DCLRE1B: variants seen among roughly 807,000 people sequenced by gnomAD.
The protein encoded by DCLRE1B is 5' exonuclease Apollo.
A neutral mutation model predicts 19.8 loss-of-function variants in DCLRE1B; 6 were observed. The ratio of observed to expected loss-of-function variants is 0.30; its 90% CI spans 0.17 to 0.60. The LOEUF is 0.60. Among genes scored for constraint, DCLRE1B ranks in the 20% least tolerant of loss-of-function variants. DCLRE1B has a pLI of 0.87. For synonymous variants in DCLRE1B, 258 were observed against 255.7 expected (o/e 1.01, Z -0.09); for missense variants, 622 against 654.2 (o/e 0.95, Z 0.54).
chr1:113,906,389 T>TGTGCTGG (rs1668967180), intron 1 of DCLRE1B, among the ~76,000 whole-genome samples: 1 of 150,998 alleles, frequency 6.6e-6, no homozygotes, highest in Non-Finnish European at 1.5e-5. Flanking sequence ...ATCCACCTAA[T>TGTGCTGG]GTGCTGGGTG....
rs1389550361 is a variant in DCLRE1B at position 113,912,309 on chromosome 1, C to G, written c.*118C>G. The G allele has an allele frequency of 9.6e-7, 1 of 1,040,288 alleles. No homozygotes were observed. The highest frequency in any genetic ancestry group is 1.6e-5 in the African/African-American group (1 of 62,676). The allele number at this position is 1,040,288 out of a possible 1,614,324, so 64.4% of individuals were successfully genotyped here. ...CCTACTTTTCTATCTTTACAAGACT[C>G]TTATGGGCCCACCGTGGAGCAGCAC... On this transcript the variant is annotated 3_prime_UTR_variant, in exon 4 of 4. Coordinates refer to ENST00000650450, the MANE Select transcript of DCLRE1B (RefSeq NM_022836.4).
At chr1:113,907,863 G>A in intron 2 of DCLRE1B, 146 bp from the exon 3 acceptor site, 1 of 805,802 alleles carries the variant, frequency 1.2e-6, no homozygotes, top group African/African-American at 1.7e-5. Flanking sequence ...AAACCATGCA[G>A]CTATACTGCC....
chr1:113,907,078 C>G lies in DCLRE1B; in HGVS notation c.272C>G (p.Thr91Ser). The stretch of plus-strand genomic sequence containing the variant: ...GATGAAATTGGACAAGAGACCATGA[C>G]CGTAACCCTCCTCGATGCCAATCAC... ...PLDEIGQETM[T>S]VTLLDANHCP... The change falls in exon 2 of 4, where the codon ACC becomes AGC. Residue 91 changes from threonine to serine, a missense_variant. Around this residue, in one of 3 missense-constraint regions of DCLRE1B, gnomAD observed 237 missense variants for 223.8 expected, o/e 1.06. Transcript: ENST00000650450. 2.5e-6 allele frequency: 4 copies of G among 1,614,060 alleles called. No homozygotes were observed. Among genetic ancestry groups the G allele is most frequent in the Non-Finnish European group, 3.4e-6 (4 of 1,180,014 alleles).
upstream of DCLRE1B, chr1:113,905,244 CAGCTGCGCGGCTCCCTCTGGTGG>C: frequency 1.1e-5 from 4 of 357,582 alleles, no homozygotes; most frequent in Non-Finnish European, 5.2e-6. Context: ...TCTCCAGGCG[CAGCTGCGCGGCTCCCTCTGGTGG>C]AGCTGCGGCG....
Position 113,913,620 on chromosome 1 carries a change from T to C in DCLRE1B, c.*1429T>C, listed in dbSNP as rs1321235027. 6.5e-6 allele frequency: 1 copy of C among 152,684 alleles called. No homozygotes were observed. Among genetic ancestry groups the C allele is most frequent in the Non-Finnish European group, 1.5e-5 (1 of 68,042 alleles). 9.5% of individuals were successfully genotyped at this position (152,684 alleles called of 1,614,324 possible). ...GTAAGATGGACTTGAGATTCCTACCTCTCATGATTACTATGGAGATTGAAT... is the reference window on the plus strand; with the variant it reads ...GTAAGATGGACTTGAGATTCCTACCCCTCATGATTACTATGGAGATTGAAT... On this transcript the variant is annotated 3_prime_UTR_variant, in exon 4 of 4. Transcript: ENST00000650450.
chr1:113,912,221 A>G lies in DCLRE1B; in HGVS notation c.*30A>G. The G allele has an allele frequency of 6.4e-7, 1 of 1,560,418 alleles. No individual in the cohort carries two copies. The highest frequency in any genetic ancestry group is 8.7e-7 in the Non-Finnish European group (1 of 1,155,744). On this transcript the variant is annotated 3_prime_UTR_variant, in exon 4 of 4. Transcript: ENST00000650450. Reference sequence around the variant, plus strand: ...AGGAGAGTACAGAATGACAACATTGAGCCCACACTGCAGTTTTGAAGATAG... The same window carrying G: ...AGGAGAGTACAGAATGACAACATTGGGCCCACACTGCAGTTTTGAAGATAG...
At position 113,905,680 on chromosome 1, in the gene DCLRE1B, A is replaced by G; in HGVS notation, c.94A>G (p.Met32Val). The G allele has an allele frequency of 1.2e-6, 2 of 1,614,016 alleles. No homozygotes were observed. Among genetic ancestry groups the G allele is most frequent in the South Asian group, 1.1e-5 (1 of 91,082 alleles). Residue 32 changes from methionine to valine, a missense_variant, in exon 1 of 4, where the codon ATG becomes GTG. This residue lies in a region of DCLRE1B where 237 missense variants were observed against 223.8 expected (regional missense o/e 1.06). Coordinates refer to ENST00000650450, the MANE Select transcript of DCLRE1B (RefSeq NM_022836.4). Reference sequence around the variant, plus strand: ...CGCACGTCTCTTCTTCTTGTCTCACATGCACTCGGACCACACCGTGGGCCT... The same window carrying G: ...CGCACGTCTCTTCTTCTTGTCTCACGTGCACTCGGACCACACCGTGGGCCT... Reference protein sequence around the residue: ...GTARLFFLSHMHSDHTVGLSS... With the variant: ...GTARLFFLSHVHSDHTVGLSS...
upstream of DCLRE1B, chr1:113,905,066 T>C (rs2101060517): frequency 5.2e-6 from 2 of 381,786 alleles, no homozygotes; most frequent in East Asian, 6.2e-5. Flanking sequence ...CAGCCTTAAT[T>C]CCCCCTCCAC....
intron 3 of DCLRE1B, among the ~76,000 whole-genome samples, chr1:113,909,794 A>T (rs1669186146): frequency 6.6e-6 from 1 of 152,194 alleles, no homozygotes; most frequent in Non-Finnish European, 1.5e-5. Context: ...ATAGTCTCTG[A>T]CTTGGAGGGC....
At position 113,911,326 on chromosome 1, in the gene DCLRE1B, G is replaced by A. The variant is rs2101074740; in HGVS notation, c.734G>A (p.Trp245Ter). 1 of 1,614,116 alleles carries A rather than the reference G, an allele frequency of 6.2e-7. No individual in the cohort carries two copies. Residue 245 changes from tryptophan to a stop codon, truncating the protein, a stop_gained, in exon 4 of 4, where the codon TGG becomes TAG. Coordinates refer to ENST00000650450, the MANE Select transcript of DCLRE1B (RefSeq NM_022836.4). LOFTEE classifies it low-confidence loss of function (END_TRUNC). ...ATCTGCCATTCCAACATGCTGCGTT[G>A]GAACCAGACCCACCCTACGATTGCT... ...MEICHSNMLR[W>*]NQTHPTIAIL...
Position 113,905,685 on chromosome 1 carries a change from C to G in DCLRE1B, c.99C>G (p.His33Gln). 6.2e-7 allele frequency: 1 copy of G among 1,614,204 alleles called. No individual in the cohort carries two copies. Among genetic ancestry groups the G allele is most frequent in the Non-Finnish European group, 8.5e-7 (1 of 1,180,030 alleles). ...GTCTCTTCTTCTTGTCTCACATGCA[C>G]TCGGACCACACCGTGGGCCTGTCTA... ...TARLFFLSHM[H>Q]SDHTVGLSST... The change falls in exon 1 of 4, where the codon CAC becomes CAG. Residue 33 changes from histidine to glutamine, a missense_variant. By Grantham distance (24) the His-to-Gln change is conservative. This residue lies in a region of DCLRE1B where 237 missense variants were observed against 223.8 expected (regional missense o/e 1.06). Coordinates refer to ENST00000650450, the MANE Select transcript of DCLRE1B (RefSeq NM_022836.4).
intron 2 of DCLRE1B, among the ~76,000 whole-genome samples, chr1:113,907,563 G>A (rs1246577491): frequency 7.9e-5 from 12 of 152,000 alleles, no homozygotes. Context: ...TCCGCCTTCT[G>A]GGTTCAAGTG....
upstream of DCLRE1B, chr1:113,905,071 C>T (rs966025265): frequency 2.6e-6 from 1 of 382,314 alleles, no homozygotes; most frequent in Non-Finnish European, 5.0e-6. Context: ...TTAATTCCCC[C>T]TCCACGCCGT....
chr1:113,910,631 A>G lies in DCLRE1B; in HGVS notation c.539-500A>G, dbSNP rs148844173. 2.0e-3 allele frequency among the ~76,000 whole-genome samples: 310 copies of G among 152,112 alleles called. 1 individual carries two copies. Among genetic ancestry groups the G allele is most frequent in the Non-Finnish European group, 3.6e-3 (247 of 67,996 alleles). On this transcript the variant is annotated intron_variant, in intron 3 of 3. Transcript: ENST00000650450. ...ATCCTCCCGCGTCAGCTTCCTGTGT[A>G]CCAGGAACTATAGGCGTGCACCAAC... is the stretch of plus-strand genomic sequence containing the variant.
rs2101075005 is a variant in DCLRE1B, at chr1:113,911,467, G to A, written c.875G>A (p.Cys292Tyr). The change falls in exon 4 of 4, where the codon TGC becomes TAC. Residue 292 changes from cysteine (C) to tyrosine (Y), a missense_variant. Around this residue, in one of 3 missense-constraint regions of DCLRE1B, gnomAD observed 382 missense variants for 412.5 expected, o/e 0.93. Transcript: ENST00000650450. The part of the protein sequence containing the change: ...LRAFVAALKP[C>Y]QVVPIVSRRP... The stretch of plus-strand genomic sequence containing the variant: ...GCCTTTGTCGCAGCACTGAAGCCTT[G>A]CCAGGTGGTGCCCATTGTAAGTCGG... 1 of 1,614,134 alleles carries A rather than the reference G, an allele frequency of 6.2e-7. No individual in the cohort carries two copies. The highest frequency in any genetic ancestry group is 1.1e-5 in the South Asian group (1 of 91,082).
At chr1:113,907,774 G>A (rs777803366) in intron 2 of DCLRE1B, among the ~76,000 whole-genome samples, 2 of 152,204 alleles carry the variant, frequency 1.3e-5, no homozygotes, top group African/African-American at 2.4e-5. Flanking sequence ...GCGCCTGGCC[G>A]ATTTCCCACT....
rs367934244 is a variant in DCLRE1B at position 113,912,228 on chromosome 1, A to G, written c.*37A>G. On this transcript the variant is annotated 3_prime_UTR_variant, in exon 4 of 4. Transcript: ENST00000650450. The stretch of plus-strand genomic sequence containing the variant: ...TACAGAATGACAACATTGAGCCCAC[A>G]CTGCAGTTTTGAAGATAGTAACTGA... The G allele has an allele frequency of 3.2e-4, 502 of 1,547,072 alleles. No homozygotes were observed. In the Middle Eastern group the frequency reaches 6.6e-3, roughly 20 times the overall value.
Position 113,912,189 on chromosome 1 carries a change from T to C in DCLRE1B, c.1597T>C (p.Ter533ArgextTer7), listed in dbSNP as rs748342283. ...QQVEKYHKPC[*>R] Reference sequence around the variant, plus strand: ...AGTGGAAAAATACCATAAACCCTGCTGAAGACAGGAGAGTACAGAATGACA... The same window carrying C: ...AGTGGAAAAATACCATAAACCCTGCCGAAGACAGGAGAGTACAGAATGACA... The change falls in exon 4 of 4, where the codon TGA (stop) becomes CGA (arginine). Residue 533 changes from the stop codon to arginine, a stop_lost. Transcript: ENST00000650450. 10 of 1,607,996 alleles carry C rather than the reference T, an allele frequency of 6.2e-6. No individual in the cohort carries two copies. The highest frequency in any genetic ancestry group is 1.3e-5 in the African/African-American group (1 of 74,890).
In DCLRE1B at chr1:113,905,445, G is replaced by A. The variant is rs961269685; in HGVS notation, c.-142G>A. Reference sequence around the variant, plus strand: ...TTTCTGCCCACTCTGGTAACTTATTGCTCTGCTGGGCTCTTTCCCTTAGGG... The same window carrying A: ...TTTCTGCCCACTCTGGTAACTTATTACTCTGCTGGGCTCTTTCCCTTAGGG... On this transcript the variant is annotated 5_prime_UTR_variant, in exon 1 of 4. Transcript: ENST00000650450. The A allele has an allele frequency of 1.2e-6, 1 of 802,364 alleles. No individual in the cohort carries two copies. Among genetic ancestry groups the A allele is most frequent in the Non-Finnish European group, 2.0e-6 (1 of 502,990 alleles). The allele number at this position is 802,364 out of a possible 1,614,324, so 49.7% of individuals were successfully genotyped here.
Sources: gnomAD v4.1 joint callset for allele counts (sites outside exome capture counted in the v4.1 genomes callset) on GRCh38, gnomAD v4.1.1 for gene constraint, gnomAD v4.1.1 regional missense constraint, MANE v1.5 for transcripts, NCBI Gene and HGNC (gene_info 2026-07-23, HGNC 2026-07-21) for gene names.